Variants in SETBP1 observed in about 807,000 individuals in gnomAD.
The protein encoded by SETBP1 is SET-binding protein.
Under a neutral mutation model 101.0 loss-of-function variants are expected in SETBP1, and 9 were observed. The ratio of observed to expected loss-of-function variants is 0.09; its 90% confidence interval spans 0.05 to 0.16. The LOEUF (loss-of-function observed/expected upper bound fraction) is 0.16. Ranked by LOEUF, SETBP1 falls within the 10% of genes least tolerant of loss-of-function variation. The pLI, the probability that SETBP1 is intolerant of heterozygous loss-of-function variation, is 1.00. For synonymous variants in SETBP1, 818 were observed against 788.5 expected, an observed-to-expected ratio of 1.04 and a Z score of -0.63; for missense variants, 1,858 against 2,033.8, an observed-to-expected ratio of 0.91 and a Z score of 1.66.
At chr18:44,754,493 A>T (rs905385275) in intron 2 of SETBP1, among the ~76,000 whole-genome samples, 2 of 152,036 alleles carry the variant, frequency 1.3e-5, no homozygotes, top group African/African-American at 4.8e-5. Context: ...GTGGATTTGA[A>T]TTTTTTTTAA....
At chr18:44,763,067 T>C (rs1030023419) in intron 2 of SETBP1, among the ~76,000 whole-genome samples, 3 of 152,212 alleles carry the variant, frequency 2.0e-5, no homozygotes, top group Admixed American at 2.0e-4. Flanking sequence ...ACAGAAATTA[T>C]TCTAGACTTT....
Position 44,703,832 on chromosome 18 carries a change from A to G in SETBP1, c.486+2000A>G, listed in dbSNP as rs117918360. The stretch of plus-strand genomic sequence containing the variant: ...TTCTGAGATTCATGCAAGAAAATGC[A>G]ACAGTTCAAATCAGGCTCTGAAAGT... On this transcript the variant is annotated intron_variant, in intron 2 of 5. Transcript: ENST00000649279. Among the ~76,000 whole-genome samples, 149 of 152,334 alleles carry G rather than the reference A, an allele frequency of 9.8e-4. 1 individual carries two copies. The highest frequency in any genetic ancestry group is 2.9e-3 in the East Asian group (15 of 5,188).
At chr18:44,716,436 G>T (rs1473104288) in intron 2 of SETBP1, among the ~76,000 whole-genome samples, 1 of 152,224 alleles carries the variant, frequency 6.6e-6, no homozygotes, top group African/African-American at 2.4e-5. Flanking sequence ...CCTACTGCTT[G>T]CTAAAGGTGA....
intron 4 of SETBP1, among the ~76,000 whole-genome samples, chr18:44,962,183 C>T (rs560908529): frequency 5.3e-5 from 8 of 152,254 alleles, no homozygotes; most frequent in Non-Finnish European, 5.9e-5. Context: ...ATGGGAGCTG[C>T]GGGGACCCAG....
chr18:44,856,319 AG>A (rs1225839231), intron 2 of SETBP1, among the ~76,000 whole-genome samples: 1 of 152,174 alleles, frequency 6.6e-6, no homozygotes, highest in Non-Finnish European at 1.5e-5. Context: ...CCTGCATTGG[AG>A]GAAGGCTGGT....
chr18:44,695,856 C>T (rs2069006742), intron 1 of SETBP1, among the ~76,000 whole-genome samples: 1 of 150,730 alleles, frequency 6.6e-6, no homozygotes. Context: ...GCTGGGAAAC[C>T]ACCTTTTTTT....
At chr18:44,704,280 C>G (rs887299002) in intron 2 of SETBP1, among the ~76,000 whole-genome samples, 4 of 152,132 alleles carry the variant, frequency 2.6e-5, no homozygotes, top group African/African-American at 9.7e-5. Context: ...GCTGGATGCT[C>G]TTTGTGGACT....
chr18:45,027,980 G>A (rs1235429261), intron 4 of SETBP1, among the ~76,000 whole-genome samples: 2 of 151,880 alleles, frequency 1.3e-5, no homozygotes, highest in African/African-American at 4.8e-5. Flanking sequence ...GCATCTCTCT[G>A]ACCCTGTTTC....
chr18:44,706,756 C>A (rs1205955783), intron 2 of SETBP1, among the ~76,000 whole-genome samples: 1 of 151,944 alleles, frequency 6.6e-6, no homozygotes, highest in Non-Finnish European at 1.5e-5. Context: ...CATGGGAGTT[C>A]CAAATGGATG....
chr18:44,680,627 C>T (rs572717638), upstream of SETBP1, among the ~76,000 whole-genome samples: 2 of 152,208 alleles, frequency 1.3e-5, no homozygotes, highest in Admixed American at 1.3e-4. Flanking sequence ...TCCGGCGGGC[C>T]GGCGGGTGGG....
At chr18:44,841,932 G>A (rs1029874757) in intron 2 of SETBP1, among the ~76,000 whole-genome samples, 8 of 152,260 alleles carry the variant, frequency 5.3e-5, no homozygotes, top group African/African-American at 1.9e-4. Flanking sequence ...AGCCTATGTC[G>A]AGTCATTTGT....
chr18:44,910,646 TC>T (rs1383772892), intron 3 of SETBP1, among the ~76,000 whole-genome samples: 2 of 152,144 alleles, frequency 1.3e-5, no homozygotes, highest in Non-Finnish European at 2.9e-5. Context: ...GCAACCCTTT[TC>T]TTCCCCCAGA....
chr18:44,799,196 G>A (rs542488827), intron 2 of SETBP1, among the ~76,000 whole-genome samples: 1 of 152,254 alleles, frequency 6.6e-6, no homozygotes, highest in South Asian at 2.1e-4. Flanking sequence ...CATTTAAAAT[G>A]GCTGTGTGTT....
At chr18:44,963,843 T>C (rs1288237955) in intron 4 of SETBP1, among the ~76,000 whole-genome samples, 2 of 137,594 alleles carry the variant, frequency 1.5e-5, no homozygotes, top group Admixed American at 1.7e-4. Context: ...GAAACCACGA[T>C]TGTGCCACTA....
chr18:44,690,208 C>G (rs2068906419), intron 1 of SETBP1, among the ~76,000 whole-genome samples: 1 of 152,146 alleles, frequency 6.6e-6, no homozygotes, highest in Non-Finnish European at 1.5e-5. Flanking sequence ...AGGAAATAAA[C>G]AAGATTCAGT....
chr18:44,910,116 A>G (rs775637493), intron 3 of SETBP1, among the ~76,000 whole-genome samples: 2 of 152,218 alleles, frequency 1.3e-5, no homozygotes, highest in East Asian at 1.9e-4. Flanking sequence ...GGTTACTGGC[A>G]TCATTGACAA....
intron 2 of SETBP1, among the ~76,000 whole-genome samples, chr18:44,736,085 A>G (rs970057109): frequency 5.3e-5 from 8 of 152,220 alleles, no homozygotes; most frequent in African/African-American, 1.7e-4. Flanking sequence ...GGGAAATGCC[A>G]TATCATTAAG....
At chr18:45,020,295 A>AAAAAT (rs1402729585) in intron 4 of SETBP1, among the ~76,000 whole-genome samples, 1 of 137,046 alleles carries the variant, frequency 7.3e-6, no homozygotes, top group African/African-American at 2.8e-5. Context: ...AAAAAAAAAA[A>AAAAAT]GTGGCTTCTC....
At chr18:44,936,636 G>A (rs1175770088) in intron 3 of SETBP1, among the ~76,000 whole-genome samples, 1 of 152,138 alleles carries the variant, frequency 6.6e-6, no homozygotes, top group Non-Finnish European at 1.5e-5. Flanking sequence ...CTCTTCTAGG[G>A]GCACGTTTGC....
Sources: allele counts gnomAD v4.1 joint callset (sites outside exome capture counted in the v4.1 genomes callset), GRCh38; gene constraint gnomAD v4.1.1; transcripts MANE v1.5; gene names NCBI Gene and HGNC (gene_info 2026-07-23, HGNC 2026-07-21).